ADGRV1: variants seen among roughly 807,000 people sequenced by gnomAD.
ADGRV1 encodes the protein adhesion G protein-coupled receptor V1, also known as G-protein coupled receptor 98.
In ADGRV1, 359 loss-of-function variants were observed where a neutral mutation model predicts 596.2. That is an observed-to-expected ratio of 0.60 (90% CI 0.55 to 0.66). ADGRV1 has a LOEUF of 0.66. ADGRV1 is among the 30% of genes least tolerant of loss of function. ADGRV1 has a pLI of 0.00. For synonymous variants in ADGRV1, 2,681 were observed against 2,679.2 expected (o/e 1.00, Z -0.02); for missense variants, 7,274 against 7,575.6 (o/e 0.96, Z 1.48).
intron 83 of ADGRV1, among the ~76,000 whole-genome samples, chr5:90,961,671 G>T (rs1338463125): frequency 2.0e-5 from 3 of 151,976 alleles, no homozygotes; most frequent in Non-Finnish European, 4.4e-5. Context: ...AGCAAGCGGG[G>T]ACACATGCTG....
chr5:90,787,969 C>A, intron 67 of ADGRV1, 102 bp from the exon 68 acceptor site: 1 of 692,382 alleles, frequency 1.4e-6, no homozygotes, highest in Non-Finnish European at 2.2e-6. Flanking sequence ...AATAATTTTC[C>A]TATATGTGTA....
At chr5:91,000,668 CTGTGTGTGTGTGTG>C (rs6149110) in intron 85 of ADGRV1, among the ~76,000 whole-genome samples, 6 of 141,154 alleles carry the variant, frequency 4.3e-5, no homozygotes, top group East Asian at 2.1e-4. Context: ...CTTACAGGAT[CTGTGTGTGTGTGTG>C]TGTGTGTGTG....
At chr5:90,614,570 T>G in intron 1 of ADGRV1, 1 of 369,772 alleles carries the variant, frequency 2.7e-6, no homozygotes, top group Non-Finnish European at 5.0e-6. Flanking sequence ...ATAAGTAAGT[T>G]TAACTTACAG....
In ADGRV1 at chr5:90,672,687, G is replaced by T; in HGVS notation, c.4894G>T (p.Gly1632Ter). ...TGTTGATGACTTTGCTAATGCCAGT[G>T]GAACTATTACATTCCTTCCTTGGCA... Reference protein sequence around the residue: ...YLVDDFANASGTITFLPWQRS... With the variant: ...YLVDDFANAS The change falls in exon 22 of 90, where the codon GGA becomes TGA. Residue 1632 changes from glycine (G) to a stop codon, truncating the protein, a stop_gained. Transcript: ENST00000405460. LOFTEE classifies it high-confidence loss of function. 6.2e-7 allele frequency: 1 copy of T among 1,613,302 alleles called. No individual in the cohort carries two copies. Among genetic ancestry groups the T allele is most frequent in the Non-Finnish European group, 8.5e-7 (1 of 1,179,534 alleles).
intron 83 of ADGRV1, among the ~76,000 whole-genome samples, chr5:90,883,026 G>C (rs998069296): frequency 9.2e-5 from 14 of 152,108 alleles, no homozygotes; most frequent in African/African-American, 2.9e-4. Flanking sequence ...TTGCAGTGCA[G>C]TAAGAAAAAA....
intron 78 of ADGRV1, 129 bp downstream of exon 78, chr5:90,841,114 A>G: frequency 1.5e-6 from 1 of 661,886 alleles, no homozygotes. Flanking sequence ...AGATTTCTGA[A>G]CATAGGAATA....
At chr5:90,916,853 C>T (rs796491558) in intron 83 of ADGRV1, among the ~76,000 whole-genome samples, 64 of 151,798 alleles carry the variant, frequency 4.2e-4, no homozygotes, top group African/African-American at 1.4e-3. Flanking sequence ...AGGATGGTCT[C>T]GATCTCCTGA....
chr5:91,047,158 T>G (rs1785901831), intron 85 of ADGRV1, among the ~76,000 whole-genome samples: 1 of 152,194 alleles, frequency 6.6e-6, no homozygotes, highest in Non-Finnish European at 1.5e-5. Context: ...AGATCTGAAT[T>G]TGCGCTCTAG....
chr5:90,971,895 A>G (rs1199017445), intron 84 of ADGRV1, among the ~76,000 whole-genome samples: 3 of 152,240 alleles, frequency 2.0e-5, no homozygotes, highest in Non-Finnish European at 4.4e-5. Context: ...CAATTAAAAG[A>G]CACAGACTGG....
At chr5:90,742,235 G>A (rs916607459) in intron 50 of ADGRV1, among the ~76,000 whole-genome samples, 2 of 152,144 alleles carry the variant, frequency 1.3e-5, no homozygotes, top group Non-Finnish European at 2.9e-5. Context: ...TGCTATGAAA[G>A]GATAGAATAC....
At chr5:90,778,718 C>T in intron 63 of ADGRV1, 109 bp downstream of exon 63, 3 of 1,065,218 alleles carry the variant, frequency 2.8e-6, no homozygotes, top group African/African-American at 1.6e-5. Context: ...TTGCTCCAAA[C>T]ATCATTATTT....
At chr5:90,956,831 T>C (rs913836139) in intron 83 of ADGRV1, among the ~76,000 whole-genome samples, 4 of 152,162 alleles carry the variant, frequency 2.6e-5, no homozygotes, top group African/African-American at 9.7e-5. Context: ...CAGACTTGGC[T>C]CAAGTCCTGA....
At chr5:90,568,824 A>G (rs1755996908) in intron 1 of ADGRV1, among the ~76,000 whole-genome samples, 1 of 152,160 alleles carries the variant, frequency 6.6e-6, no homozygotes, top group Non-Finnish European at 1.5e-5. Context: ...TACAATTGTT[A>G]CATCTTTCTG....
chr5:90,784,690 C>A (rs1487545446), intron 67 of ADGRV1, among the ~76,000 whole-genome samples: 1 of 152,028 alleles, frequency 6.6e-6, no homozygotes, highest in African/African-American at 2.4e-5. Context: ...CAGGATAGAC[C>A]AGAGGGCCCA....
intron 70 of ADGRV1, among the ~76,000 whole-genome samples, 153 bp from the exon 71 acceptor site, chr5:90,802,586 C>T (rs1240560771): frequency 6.6e-6 from 1 of 152,110 alleles, no homozygotes; most frequent in African/African-American, 2.4e-5. Context: ...ACCCTACATA[C>T]TGGTGGTTTG....
rs752308091 is a variant in ADGRV1, at chr5:91,150,170, T to C, written c.18573T>C (p.Ala6191=). ...FFTPGSGMPP[A]GGEISKSTQN... ...CGCCCGGGAGTGGAATGCCTCCTGCTGGAGGGGAAATCAGCAAGTCCACCC... is the reference window on the plus strand; with the variant it reads ...CGCCCGGGAGTGGAATGCCTCCTGCCGGAGGGGAAATCAGCAAGTCCACCC... Residue 6191 remains alanine, a synonymous_variant, in exon 88 of 90, where the codon GCT becomes GCC. Transcript: ENST00000405460. The C allele has an allele frequency of 3.1e-6, 5 of 1,595,912 alleles. No homozygotes were observed. The highest frequency in any genetic ancestry group is 1.8e-5 in the Admixed American group (1 of 57,072).
intron 50 of ADGRV1, among the ~76,000 whole-genome samples, chr5:90,732,435 C>T (rs1343144906): frequency 6.6e-6 from 1 of 152,130 alleles, no homozygotes; most frequent in Non-Finnish European, 1.5e-5. Flanking sequence ...ATTAACCCAT[C>T]CATTACCTCA....
At chr5:90,923,647 T>C (rs1483269573) in intron 83 of ADGRV1, among the ~76,000 whole-genome samples, 1 of 152,180 alleles carries the variant, frequency 6.6e-6, no homozygotes, top group Non-Finnish European at 1.5e-5. Context: ...TTTATTATTA[T>C]ACTTTAAGTT....
At chr5:91,067,179 T>C (rs976019963) in intron 85 of ADGRV1, among the ~76,000 whole-genome samples, 4 of 146,092 alleles carry the variant, frequency 2.7e-5, no homozygotes, top group African/African-American at 1.0e-4. Context: ...AGTCTCGCTC[T>C]TGTTGCCCAG....
Sources: allele counts gnomAD v4.1 joint callset (sites outside exome capture counted in the v4.1 genomes callset), GRCh38; gene constraint gnomAD v4.1.1; transcripts MANE v1.5; gene names NCBI Gene and HGNC (gene_info 2026-07-23, HGNC 2026-07-21).